SCML4: variants seen among roughly 807,000 people sequenced by gnomAD.
SCML4 encodes the protein Scm polycomb group protein like 4.
Under a neutral mutation model 41.1 loss-of-function variants are expected in SCML4, and 34 were observed. The ratio of observed to expected loss-of-function variants is 0.83; its 90% CI spans 0.63 to 1.10. The LOEUF is 1.10. SCML4 is among the 50% of genes least tolerant of loss of function. SCML4 has a pLI of 0.00. For synonymous variants in SCML4, 214 were observed against 220.9 expected, an observed-to-expected ratio of 0.97 and a Z score of 0.28; for missense variants, 522 against 534.1, an observed-to-expected ratio of 0.98 and a Z score of 0.22.
At chr6:107,717,143 CAAAAAAAAAAAAAAA>C (rs546258538) in intron 6 of SCML4, among the ~76,000 whole-genome samples, 8 of 63,536 alleles carry the variant, frequency 1.3e-4, no homozygotes, top group Admixed American at 3.9e-4. Context: ...ACTAAAAATA[CAAAAAAAAAAAAAAA>C]AAAAAAAAAA....
the SCML4 span, among the ~76,000 whole-genome samples, chr6:107,829,594 G>T: frequency 6.6e-6 from 1 of 152,034 alleles, no homozygotes; most frequent in East Asian, 1.9e-4. Context: ...CGAGGGGTGG[G>T]GAGCAAGAGA....
intron 6 of SCML4, chr6:107,720,341 G>A: frequency 1.0e-6 from 1 of 976,296 alleles, no homozygotes; most frequent in African/African-American, 1.7e-5. Flanking sequence ...GGCTGTAGAG[G>A]GTGGCAGAGC....
upstream of SCML4, among the ~76,000 whole-genome samples, chr6:107,826,564 T>G (rs1160619850): frequency 6.6e-6 from 1 of 152,142 alleles, no homozygotes; most frequent in Non-Finnish European, 1.5e-5. Context: ...AGTAAAAGGG[T>G]TGGCAGAATC....
intron 1 of SCML4, among the ~76,000 whole-genome samples, chr6:107,803,222 A>G (rs1292138720): frequency 2.3e-5 from 3 of 131,824 alleles, no homozygotes; most frequent in African/African-American, 5.8e-5. Context: ...AGATGTGGGG[A>G]GCGCCTCTGC....
In SCML4 at chr6:107,769,332, C is replaced by G. The variant is rs62426338; in HGVS notation, c.156+2840G>C. The stretch of plus-strand genomic sequence containing the variant: ...GAACTCTAGAGCATTGACACCTGAC[C>G]GCCAGTGTAACCCTCCCTTATCTGC... On this transcript the variant is annotated intron_variant, in intron 2 of 7. Coordinates refer to ENST00000369020, the MANE Select transcript of SCML4 (RefSeq NM_198081.5). Among the ~76,000 whole-genome samples, 794 of 152,308 alleles carry G rather than the reference C, an allele frequency of 5.2e-3. 3 individuals carry two copies. The highest frequency in any genetic ancestry group is 8.2e-3 in the Non-Finnish European group (560 of 68,034).
At chr6:107,827,026 G>A (rs997094864), upstream of SCML4, among the ~76,000 whole-genome samples, 10 of 151,736 alleles carry the variant, frequency 6.6e-5, no homozygotes, top group African/African-American at 2.4e-4. Context: ...TCACGCCACT[G>A]CACTACAGCC....
At chr6:107,722,370 G>C (rs75608727) in intron 5 of SCML4, among the ~76,000 whole-genome samples, 2 of 151,730 alleles carry the variant, frequency 1.3e-5, no homozygotes, top group Non-Finnish European at 1.5e-5. Context: ...TTTTCTTTTG[G>C]GGGGTGGGGG....
In SCML4 at chr6:107,791,291, C is replaced by T. The variant is rs577291651; in HGVS notation, c.-59-18905G>A. Among the ~76,000 whole-genome samples, 3 of 152,246 alleles carry T rather than the reference C, an allele frequency of 2.0e-5. No individual in the cohort carries two copies. The South Asian group carries it at 6.2e-4, about 32-fold the overall frequency. On this transcript the variant is annotated intron_variant, in intron 1 of 7. Coordinates refer to ENST00000369020, the MANE Select transcript of SCML4 (RefSeq NM_198081.5). The stretch of plus-strand genomic sequence containing the variant: ...GGACAGAAAAGAGAAGGGTCTCAAA[C>T]TGGAGATGGCAGACGCATGCTAAGA...
chr6:107,791,422 T>A (rs1398819592), intron 1 of SCML4, among the ~76,000 whole-genome samples: 2 of 152,010 alleles, frequency 1.3e-5, no homozygotes, highest in Non-Finnish European at 2.9e-5. Context: ...CAGCAGGAGT[T>A]TACAGATAGA....
chr6:107,840,604 T>C, the SCML4 span, among the ~76,000 whole-genome samples: 2 of 152,172 alleles, frequency 1.3e-5, no homozygotes, highest in Non-Finnish European at 2.9e-5. Context: ...GGAGAGATAA[T>C]AAACAGGACA....
upstream of SCML4, among the ~76,000 whole-genome samples, chr6:107,825,952 A>AAG (rs1554228005): frequency 2.2e-4 from 31 of 141,650 alleles, no homozygotes; most frequent in African/African-American, 6.1e-4. Context: ...AAAAAAAAAA[A>AAG]AAAAGAAAAT....
chr6:107,715,027 T>A (rs144108888), intron 6 of SCML4, among the ~76,000 whole-genome samples: 2,518 of 149,982 alleles, frequency 0.017, 93 homozygotes, highest in African/African-American at 0.06. Context: ...CAGGCTGCAG[T>A]GCAGTGGCAT....
intron 1 of SCML4, among the ~76,000 whole-genome samples, chr6:107,785,337 G>A (rs1288516916): frequency 6.6e-6 from 1 of 152,196 alleles, no homozygotes; most frequent in African/African-American, 2.4e-5. Context: ...CAAGGTGACT[G>A]CGATCCGAGT....
At chr6:107,820,165 G>A (rs915357070) in intron 1 of SCML4, among the ~76,000 whole-genome samples, 17 of 152,278 alleles carry the variant, frequency 1.1e-4, no homozygotes, top group African/African-American at 2.2e-4. Context: ...CCTTGTCACC[G>A]GTATTCAGCC....
chr6:107,713,081 G>C (rs1774383086), intron 6 of SCML4, among the ~76,000 whole-genome samples: 2 of 152,198 alleles, frequency 1.3e-5, no homozygotes, highest in Non-Finnish European at 2.9e-5. Flanking sequence ...ACATTTACCA[G>C]AGCTAGGATG....
At chr6:107,763,463 T>G (rs1779779687) in intron 2 of SCML4, among the ~76,000 whole-genome samples, 1 of 151,560 alleles carries the variant, frequency 6.6e-6, no homozygotes, top group Non-Finnish European at 1.5e-5. Context: ...CCCGGCTCAC[T>G]GCAACCTCCA....
chr6:107,708,346 C>A (rs1203013758), intron 6 of SCML4, among the ~76,000 whole-genome samples: 1 of 152,152 alleles, frequency 6.6e-6, no homozygotes, highest in Non-Finnish European at 1.5e-5. Context: ...CTGCTCAGTT[C>A]TTTCTCGGCA....
At chr6:107,714,026 C>T (rs1380192249) in intron 6 of SCML4, among the ~76,000 whole-genome samples, 1 of 152,212 alleles carries the variant, frequency 6.6e-6, no homozygotes, top group Admixed American at 6.5e-5. Flanking sequence ...ATTCTCCTGC[C>T]TCAGCCTCCC....
intron 1 of SCML4, among the ~76,000 whole-genome samples, chr6:107,804,055 A>AAAAAAG (rs1783524907): frequency 1.0e-5 from 1 of 98,852 alleles, no homozygotes; most frequent in Non-Finnish European, 1.9e-5. Flanking sequence ...ATAACAAAAA[A>AAAAAAG]AAAAAGAAAA....
Sources: gnomAD v4.1 joint callset for allele counts (sites outside exome capture counted in the v4.1 genomes callset) on GRCh38, gnomAD v4.1.1 for gene constraint, MANE v1.5 for transcripts, NCBI Gene and HGNC (gene_info 2026-07-23, HGNC 2026-07-21) for gene names.